Variants in FUOM observed in about 807,000 individuals in gnomAD.
FUOM encodes the protein protein fucU homolog.
In FUOM, 19 loss-of-function variants were observed where a neutral mutation model predicts 18.3. The observed-to-expected ratio is 1.04, with a 90% CI of 0.73 to 1.53. FUOM has a LOEUF of 1.53. Among genes scored for constraint, FUOM ranks in the 40% most tolerant of loss-of-function variants. FUOM has a pLI of 0.00. For missense variants in FUOM, 210 were observed against 200.9 expected, an observed-to-expected ratio of 1.04 and a Z score of -0.27; for synonymous variants, 102 against 87.9, an observed-to-expected ratio of 1.16 and a Z score of -0.90.
At chr10:133,355,889 C>G in intron 4 of FUOM, 78 bp from the exon 5 acceptor site, 1 of 1,200,682 alleles carries the variant, frequency 8.3e-7, no homozygotes, top group Non-Finnish European at 1.2e-6. Context: ...CCCCAGGGCC[C>G]AAAGCAGGGA....
Position 133,355,598 on chromosome 10 carries a change from C to T in FUOM, c.398+140G>A, listed in dbSNP as rs115834264. 1.8e-3 allele frequency: 2,916 copies of T among 1,587,866 alleles called. 54 individuals are homozygous for T. In the African/African-American group the frequency reaches 0.036, roughly 19 times the overall value. The stretch of plus-strand genomic sequence containing the variant: ...CCCCGAAATTCCTCCCTGGTCTCTC[C>T]ACTCTGTGGGACGTCTAGCCTCAGC... On this transcript the variant is annotated intron_variant, in intron 5 of 5. Transcript: ENST00000278025.
chr10:133,352,823 C>G (rs1167547456), downstream of FUOM: 5 of 192,242 alleles, frequency 2.6e-5, no homozygotes, highest in Non-Finnish European at 4.3e-5. Flanking sequence ...GACTCCATCT[C>G]AATCGATCAA....
intron 1 of FUOM, chr10:133,357,682 G>A: frequency 1.9e-6 from 1 of 517,036 alleles, no homozygotes; most frequent in Non-Finnish European, 3.4e-6. Flanking sequence ...AGACGCGAGG[G>A]CTCTCGGGCC....
chr10:133,354,157 A>G (rs893300333), downstream of FUOM, among the ~76,000 whole-genome samples: 5 of 152,128 alleles, frequency 3.3e-5, no homozygotes, highest in Non-Finnish European at 5.9e-5. Context: ...ACCAGCTCGT[A>G]CACCGCTGAT....
At chr10:133,357,853 G>A in intron 1 of FUOM, 70 bp downstream of exon 1, 2 of 1,334,630 alleles carry the variant, frequency 1.5e-6, no homozygotes, top group East Asian at 2.8e-5. Context: ...CGGCCCGGGG[G>A]TCCCCGTGCA....
Position 133,357,024 on chromosome 10 carries a change from G to C in FUOM, c.155-11C>G. ...GCGGGATGCCCAGGCCTGGAGGGCAGAGGAGGCAGCACTCAGTCTCCAGCC... is the reference window on the plus strand; with the variant it reads ...GCGGGATGCCCAGGCCTGGAGGGCACAGGAGGCAGCACTCAGTCTCCAGCC... On this transcript the variant is annotated splice_polypyrimidine_tract_variant and intron_variant, in intron 2 of 5. Coordinates refer to ENST00000278025, the MANE Select transcript of FUOM (RefSeq NM_001098483.3). The C allele has an allele frequency of 6.5e-7, 1 of 1,549,742 alleles. No individual in the cohort carries two copies. Among genetic ancestry groups the C allele is most frequent in the Non-Finnish European group, 8.7e-7 (1 of 1,146,846 alleles).
downstream of FUOM, among the ~76,000 whole-genome samples, chr10:133,354,524 T>C (rs995986203): frequency 2.0e-5 from 3 of 151,864 alleles, no homozygotes; most frequent in Non-Finnish European, 1.5e-5. Context: ...TCCCTCAAAC[T>C]CCAGCCCTGC....
chr10:133,355,395 A>T lies in FUOM; in HGVS notation c.440T>A (p.Val147Glu). ...CTACAGCAGGGGGTTGAGGGCAAGC[A>T]CCCCCTTCCTGAGGATGAGGTTTCC... is the stretch of plus-strand genomic sequence containing the variant. The part of the protein sequence containing the change: ...LYGNLILRKG[V>E]LALNPLL Residue 147 changes from valine to glutamate, a missense_variant, in exon 6 of 6, where the codon GTG (valine) becomes GAG (glutamate). Physicochemically the swap from Val to Glu is moderately radical, Grantham distance 121. Transcript: ENST00000278025. 6.2e-7 allele frequency: 1 copy of T among 1,608,408 alleles called. No individual in the cohort carries two copies. Among genetic ancestry groups the T allele is most frequent in the Non-Finnish European group, 8.5e-7 (1 of 1,178,962 alleles).
At chr10:133,355,627 G>T in intron 5 of FUOM, 111 bp downstream of exon 5, 1 of 1,558,128 alleles carries the variant, frequency 6.4e-7, no homozygotes, top group Non-Finnish European at 8.8e-7. Context: ...CCTCAGCCAG[G>T]CAGAAGCTGA....
At chr10:133,353,950 G>A (rs577445867), downstream of FUOM, among the ~76,000 whole-genome samples, 1 of 150,070 alleles carries the variant, frequency 6.7e-6, no homozygotes, top group South Asian at 2.1e-4. Flanking sequence ...GGCAGCCCAA[G>A]CTGGTGTTTG....
chr10:133,356,705 C>T lies in FUOM; in HGVS notation c.259G>A (p.Glu87Lys). The T allele has an allele frequency of 6.3e-7, 1 of 1,598,814 alleles. No homozygotes were observed. The highest frequency in any genetic ancestry group is 1.3e-5 in the African/African-American group (1 of 74,690). The change falls in exon 4 of 6, where the codon GAG (glutamate) becomes AAG (lysine). Residue 87 changes from glutamate (E) to lysine (K), a missense_variant. Physicochemically the swap from Glu to Lys is moderately conservative, Grantham distance 56. Transcript: ENST00000278025. ...AVMELVPSDKERGLQTPVWTE... is the reference protein window; with the variant it reads ...AVMELVPSDKKRGLQTPVWTE... ...CACACTGGGGTCTGCAGGCCCCTCT[C>T]CTTGTCGCTGGGCACCAGCTCCATG...
chr10:133,355,064 CA>C (rs1225714549), downstream of FUOM: 1 of 414,642 alleles, frequency 2.4e-6, no homozygotes, highest in Non-Finnish European at 4.4e-6. Context: ...ATTTCCCACT[CA>C]AGGTTCGTCA....
chr10:133,356,684 C>A lies in FUOM; in HGVS notation c.280G>T (p.Val94Leu). Residue 94 changes from valine (V) to leucine (L), a missense_variant, in exon 4 of 6, where the codon GTG becomes TTG. Transcript: ENST00000278025. ...SDKERGLQTP[V>L]WTEYESILRR... ...AGGATGGACTCGTACTCCGTCCACA[C>A]TGGGGTCTGCAGGCCCCTCTCCTTG... 1 of 1,601,758 alleles carries A rather than the reference C, an allele frequency of 6.2e-7. No individual in the cohort carries two copies. Among genetic ancestry groups the A allele is most frequent in the East Asian group, 2.2e-5 (1 of 44,574 alleles).
Position 133,355,380 on chromosome 10 carries a change from G to A in FUOM, c.455C>T (p.Pro152Leu). The A allele has an allele frequency of 6.2e-7, 1 of 1,606,376 alleles. No homozygotes were observed. Among genetic ancestry groups the A allele is most frequent in the Non-Finnish European group, 8.5e-7 (1 of 1,178,442 alleles). Residue 152 changes from proline (P) to leucine (L), a missense_variant, in exon 6 of 6, where the codon CCC becomes CTC. Transcript: ENST00000278025. ...TGGTCTTCACCAGGCCTACAGCAGGGGGTTGAGGGCAAGCACCCCCTTCCT... is the reference window on the plus strand; with the variant it reads ...TGGTCTTCACCAGGCCTACAGCAGGAGGTTGAGGGCAAGCACCCCCTTCCT... ...ILRKGVLALNPLL is the reference protein window; with the variant it reads ...ILRKGVLALNLLL
intron 4 of FUOM, 89 bp from the exon 5 acceptor site, chr10:133,355,900 G>A: frequency 1.8e-6 from 2 of 1,089,644 alleles, no homozygotes; most frequent in Non-Finnish European, 2.8e-6. Flanking sequence ...AAAGCAGGGA[G>A]GGCACCAGGA....
downstream of FUOM, among the ~76,000 whole-genome samples, chr10:133,354,226 C>A (rs1319798751): frequency 6.6e-6 from 1 of 152,124 alleles, no homozygotes; most frequent in Admixed American, 6.5e-5. Context: ...CAGGCAAGTG[C>A]GAGGCCCCTG....
In FUOM at chr10:133,357,917, G is replaced by T; in HGVS notation, c.85+6C>A. 1 of 1,521,824 alleles carries T rather than the reference G, an allele frequency of 6.6e-7. No homozygotes were observed. The highest frequency in any genetic ancestry group is 8.8e-7 in the Non-Finnish European group (1 of 1,138,640). The allele number at this position is 1,521,824 out of a possible 1,614,324, so 94.3% of individuals were successfully genotyped here. A position where few individuals can be genotyped will look rare whatever the true frequency, so the allele number is the denominator to read the frequency against. ...GCTCCCCGAGGCCCCGGCCCGCTGCGCTCACCGATCTCGTCCCCGTGCCCC... is the reference window on the plus strand; with the variant it reads ...GCTCCCCGAGGCCCCGGCCCGCTGCTCTCACCGATCTCGTCCCCGTGCCCC... On this transcript the variant is annotated splice_donor_region_variant and intron_variant, in intron 1 of 5. Coordinates refer to ENST00000278025, the MANE Select transcript of FUOM (RefSeq NM_001098483.3).
chr10:133,357,860 T>C (rs1891372), intron 1 of FUOM, 63 bp downstream of exon 1: 1,393,791 of 1,398,184 alleles, frequency 1, 694,808 homozygotes, highest in East Asian at 1. Flanking sequence ...GGGGTCCCCG[T>C]GCAAGCCTCG....
rs200825421 is a variant in FUOM, at chr10:133,357,170, A to T, written c.154+17T>A. 411 of 1,432,016 alleles carry T rather than the reference A, an allele frequency of 2.9e-4. No homozygotes were observed. Among genetic ancestry groups the T allele is most frequent in the Admixed American group, 5.0e-4 (26 of 52,464 alleles). 88.7% of individuals were successfully genotyped at this position (1,432,016 alleles called of 1,614,324 possible). A position where few individuals can be genotyped will look rare whatever the true frequency, so the allele number is the denominator to read the frequency against. On this transcript the variant is annotated intron_variant, in intron 2 of 5. Coordinates refer to ENST00000278025, the MANE Select transcript of FUOM (RefSeq NM_001098483.3). ...TCACCCGCCCGCCCTGCCCTGGGGG[A>T]CCTGGGGCTCGCTCACCGTCTGCAC... is the stretch of plus-strand genomic sequence containing the variant.
Sources: allele counts gnomAD v4.1 joint callset (sites outside exome capture counted in the v4.1 genomes callset), GRCh38; gene constraint gnomAD v4.1.1; transcripts MANE v1.5; gene names NCBI Gene and HGNC (gene_info 2026-07-23, HGNC 2026-07-21).